CPA6: variants seen among roughly 807,000 people sequenced by gnomAD.
The protein encoded by CPA6 is carboxypeptidase B.
In CPA6, 58 loss-of-function variants were observed where a neutral mutation model predicts 63.3. The ratio of observed to expected loss-of-function variants is 0.92; its 90% CI spans 0.74 to 1.14. CPA6 has a LOEUF of 1.14. Among genes scored for constraint, CPA6 ranks in the 50% most tolerant of loss-of-function variants. The pLI is 0.00. For missense variants in CPA6, 565 were observed against 526.6 expected, an observed-to-expected ratio of 1.07 and a Z score of -0.71; for synonymous variants, 185 against 179.0, an observed-to-expected ratio of 1.03 and a Z score of -0.27.
intron 2 of CPA6, among the ~76,000 whole-genome samples, chr8:67,530,442 C>T (rs764384514): frequency 1.3e-5 from 2 of 152,048 alleles, no homozygotes; most frequent in African/African-American, 2.4e-5. Flanking sequence ...AGAGGAGTAA[C>T]GACAAACTAG....
chr8:67,568,714 A>G lies in CPA6; in HGVS notation c.193-50667T>C, dbSNP rs1223009274. ...CCTATGCATAATAGGCATTCAAGAA[A>G]CAGAAGAAAGAGAAAACGGGCCAGG... On this transcript the variant is annotated intron_variant, in intron 2 of 10. Transcript: ENST00000297770. Among the ~76,000 whole-genome samples the G allele has an allele frequency of 2.6e-5, 4 of 152,324 alleles. No homozygotes were observed. The East Asian group carries it at 5.8e-4, about 22-fold the overall frequency.
chr8:67,556,890 G>A (rs1255374695), intron 2 of CPA6, among the ~76,000 whole-genome samples: 2 of 152,244 alleles, frequency 1.3e-5, no homozygotes, highest in African/African-American at 4.8e-5. Context: ...CCTGGACCGT[G>A]AGGAGAATAG....
At chr8:67,610,050 AAAACAAAAC>A (rs1554679985) in intron 2 of CPA6, among the ~76,000 whole-genome samples, 1 of 151,538 alleles carries the variant, frequency 6.6e-6, no homozygotes, top group East Asian at 2.0e-4. Flanking sequence ...AAAACAAAAC[AAAACAAAAC>A]AAAAACCCCC....
intron 1 of CPA6, among the ~76,000 whole-genome samples, chr8:67,695,254 C>T (rs1816892003): frequency 1.3e-5 from 2 of 152,248 alleles, no homozygotes; most frequent in African/African-American, 2.4e-5. Context: ...TAGGCCTGGG[C>T]TCAGTAACAT....
At chr8:67,676,568 A>G (rs1816479029) in intron 1 of CPA6, among the ~76,000 whole-genome samples, 1 of 152,182 alleles carries the variant, frequency 6.6e-6, no homozygotes, top group Non-Finnish European at 1.5e-5. Flanking sequence ...CAACTTGGAC[A>G]CTCAGCTGCA....
intron 2 of CPA6, among the ~76,000 whole-genome samples, chr8:67,527,249 T>C (rs576718155): frequency 3.2e-4 from 48 of 152,356 alleles, no homozygotes; most frequent in Non-Finnish European, 6.0e-4. Flanking sequence ...TGATATTGCA[T>C]TTACATTTAA....
chr8:67,565,485 A>G (rs775701200), intron 2 of CPA6, among the ~76,000 whole-genome samples: 77 of 152,300 alleles, frequency 5.1e-4, no homozygotes, highest in Admixed American at 1.3e-3. Flanking sequence ...TGCTGACATG[A>G]TAGATCAAAG....
chr8:67,705,113 T>C (rs901568694), intron 1 of CPA6, among the ~76,000 whole-genome samples: 1 of 152,118 alleles, frequency 6.6e-6, no homozygotes, highest in African/African-American at 2.4e-5. Context: ...TAACTGCCAT[T>C]GGTGTGGGAA....
chr8:67,701,478 CAGATA>C (rs1817023475), intron 1 of CPA6, among the ~76,000 whole-genome samples: 1 of 152,162 alleles, frequency 6.6e-6, no homozygotes, highest in Admixed American at 6.5e-5. Flanking sequence ...AACCGAGTGA[CAGATA>C]AAAGAACACA....
chr8:67,631,140 G>A (rs1439408612), intron 1 of CPA6, among the ~76,000 whole-genome samples: 2 of 152,250 alleles, frequency 1.3e-5, no homozygotes, highest in Non-Finnish European at 2.9e-5. Flanking sequence ...TCCACCCGTG[G>A]CCCCGGTGTG....
At chr8:67,705,875 T>A (rs1817123665) in intron 1 of CPA6, among the ~76,000 whole-genome samples, 1 of 152,184 alleles carries the variant, frequency 6.6e-6, no homozygotes, top group African/African-American at 2.4e-5. Flanking sequence ...CAACATGCAG[T>A]ACAAACCAAA....
At chr8:67,480,883 C>G (rs1811344546) in intron 8 of CPA6, among the ~76,000 whole-genome samples, 1 of 152,064 alleles carries the variant, frequency 6.6e-6, no homozygotes, top group Non-Finnish European at 1.5e-5. Context: ...GGTACCTATT[C>G]CTATTGTGGT....
intron 1 of CPA6, among the ~76,000 whole-genome samples, chr8:67,684,001 G>GTGTA (rs1214064613): frequency 7.4e-4 from 87 of 116,978 alleles, no homozygotes; most frequent in African/African-American, 2.5e-3. Flanking sequence ...ATTTTAAAAT[G>GTGTA]TATATATATA....
intron 2 of CPA6, among the ~76,000 whole-genome samples, chr8:67,617,879 T>C (rs1301998037): frequency 2.0e-5 from 3 of 152,242 alleles, no homozygotes; most frequent in Non-Finnish European, 4.4e-5. Flanking sequence ...TCTCAGCAGC[T>C]AGAGGCCACC....
intron 1 of CPA6, among the ~76,000 whole-genome samples, chr8:67,689,520 G>C (rs1038571607): frequency 6.6e-6 from 1 of 152,200 alleles, no homozygotes; most frequent in Non-Finnish European, 1.5e-5. Context: ...GTGAGAATAT[G>C]TGATATTTGG....
intron 8 of CPA6, among the ~76,000 whole-genome samples, chr8:67,472,167 A>C (rs1199750061): frequency 2.0e-5 from 3 of 152,084 alleles, no homozygotes; most frequent in African/African-American, 7.2e-5. Flanking sequence ...CTAAAGACTG[A>C]GCAGCATGGG....
At chr8:67,459,905 A>G (rs912829745) in intron 8 of CPA6, among the ~76,000 whole-genome samples, 2 of 152,168 alleles carry the variant, frequency 1.3e-5, no homozygotes, top group African/African-American at 4.8e-5. Context: ...GCTGTTGACA[A>G]TGCGGGAGGC....
intron 1 of CPA6, among the ~76,000 whole-genome samples, chr8:67,690,192 G>A (rs932399183): frequency 1.3e-5 from 2 of 152,114 alleles, no homozygotes; most frequent in Non-Finnish European, 2.9e-5. Flanking sequence ...TATCTTATAG[G>A]TGGTTCAATT....
chr8:67,620,709 C>T (rs906119104), intron 2 of CPA6, among the ~76,000 whole-genome samples: 1 of 152,152 alleles, frequency 6.6e-6, no homozygotes, highest in South Asian at 2.1e-4. Context: ...TTTAAAATGA[C>T]ATCAAGGTAA....
Sources: gnomAD v4.1 joint callset for allele counts (sites outside exome capture counted in the v4.1 genomes callset) on GRCh38, gnomAD v4.1.1 for gene constraint, MANE v1.5 for transcripts, NCBI Gene and HGNC (gene_info 2026-07-23, HGNC 2026-07-21) for gene names.